Variants in SPAG9 observed in about 807,000 individuals in gnomAD.
SPAG9 encodes sperm associated antigen 9.
A neutral mutation model predicts 166.5 loss-of-function variants in SPAG9; 35 were observed. The ratio of observed to expected loss-of-function variants is 0.21; its 90% CI spans 0.16 to 0.28. The LOEUF is 0.28. Among genes scored for constraint, SPAG9 ranks in the 10% least tolerant of loss-of-function variants. SPAG9 has a pLI of 1.00. For missense variants in SPAG9, 1,235 were observed against 1,603.3 expected, an observed-to-expected ratio of 0.77 and a Z score of 3.92; for synonymous variants, 534 against 565.5, an observed-to-expected ratio of 0.94 and a Z score of 0.79.
intron 21 of SPAG9, 57 bp downstream of exon 21, chr17:50,989,620 G>A (rs1310751619): frequency 3.6e-6 from 5 of 1,371,984 alleles, no homozygotes; most frequent in Non-Finnish European, 5.2e-6. Context: ...GATTATTTTG[G>A]TTCCTTTTAT....
At chr17:51,042,039 T>C (rs2046859099) in intron 4 of SPAG9, among the ~76,000 whole-genome samples, 1 of 152,170 alleles carries the variant, frequency 6.6e-6, no homozygotes, top group Non-Finnish European at 1.5e-5. Flanking sequence ...CCAACCCATT[T>C]CTTCCCAAAT....
intron 1 of SPAG9, among the ~76,000 whole-genome samples, chr17:51,087,183 T>C (rs2048327742): frequency 6.6e-6 from 1 of 152,164 alleles, no homozygotes; most frequent in Admixed American, 6.6e-5. Flanking sequence ...TTGAGAAATA[T>C]CCCTGACAAT....
intron 2 of SPAG9, among the ~76,000 whole-genome samples, chr17:51,068,697 C>T (rs980017678): frequency 6.6e-6 from 1 of 152,200 alleles, no homozygotes; most frequent in Non-Finnish European, 1.5e-5. Context: ...TTATCCATCC[C>T]TTTATATGTT....
At chr17:51,014,592 G>A in intron 8 of SPAG9, 1 of 380,148 alleles carries the variant, frequency 2.6e-6, no homozygotes, top group East Asian at 4.4e-5. Context: ...GCAAACACAA[G>A]CAATAATGGC....
At position 50,993,899 on chromosome 17, in the gene SPAG9, A is replaced by G; in HGVS notation, c.2263T>C (p.Ser755Pro). Residue 755 changes from serine (S) to proline (P), a missense_variant, in exon 19 of 30, where the codon TCC becomes CCC. Physicochemically the swap from Ser to Pro is moderately conservative, Grantham distance 74. Around this residue, in one of 6 missense-constraint regions of SPAG9, gnomAD observed 493 missense variants for 559.4 expected, o/e 0.88. Transcript: ENST00000262013. The stretch of plus-strand genomic sequence containing the variant: ...CTGGTACAGATCCAAACTAGACTGG[A>G]TAATTCTTCTTGATTTTTTAACTCC... ...QKELKNQEEL[S>P]SLVWICTSTH... 1 of 1,614,194 alleles carries G rather than the reference A, an allele frequency of 6.2e-7. No individual in the cohort carries two copies. The highest frequency in any genetic ancestry group is 8.5e-7 in the Non-Finnish European group (1 of 1,180,020).
At chr17:50,975,750 G>GC (rs2143648274) in intron 27 of SPAG9, 1 of 773,756 alleles carries the variant, frequency 1.3e-6, no homozygotes, top group African/African-American at 1.7e-5. Flanking sequence ...TGCAGTGACT[G>GC]CAAGTGGATA....
At chr17:50,971,404 C>A (rs1973792562) in intron 28 of SPAG9, among the ~76,000 whole-genome samples, 1 of 151,366 alleles carries the variant, frequency 6.6e-6, no homozygotes, top group Non-Finnish European at 1.5e-5. Context: ...GGCCCCAAAT[C>A]CAATATGAGA....
chr17:51,010,582 A>AATATATAT (rs994068022), intron 9 of SPAG9, among the ~76,000 whole-genome samples: 2 of 130,642 alleles, frequency 1.5e-5, no homozygotes, highest in African/African-American at 2.9e-5. Flanking sequence ...AAAAAAAAAA[A>AATATATAT]ATATATATAT....
intron 2 of SPAG9, among the ~76,000 whole-genome samples, chr17:51,065,318 C>T (rs764627312): frequency 2.8e-4 from 42 of 152,088 alleles, no homozygotes; most frequent in Non-Finnish European, 5.6e-4. Context: ...TAGGCACGAG[C>T]CACCAGGCCC....
Position 50,987,182 on chromosome 17 carries a change from A to T in SPAG9, c.2869T>A (p.Leu957Met), listed in dbSNP as rs1476113543. The change falls in exon 22 of 30, where the codon TTG becomes ATG. Residue 957 changes from leucine (L) to methionine (M), a missense_variant. This residue lies in a region of SPAG9 where 493 missense variants were observed against 559.4 expected (regional missense o/e 0.88). Coordinates refer to ENST00000262013, the MANE Select transcript of SPAG9 (RefSeq NM_001130528.3). Reference sequence around the variant, plus strand: ...ATTTTCTGGGCTTCTTCTCTCACCAAGTCTTGTTCATTTGGCAGTACTGAT... The same window carrying T: ...ATTTTCTGGGCTTCTTCTCTCACCATGTCTTGTTCATTTGGCAGTACTGAT... The part of the protein sequence containing the change: ...QISVLPNEQD[L>M]VREEAQKMSS... 6.2e-7 allele frequency: 1 copy of T among 1,613,344 alleles called. No homozygotes were observed. The highest frequency in any genetic ancestry group is 8.5e-7 in the Non-Finnish European group (1 of 1,179,700).
At chr17:51,024,677 C>T (rs1272729536) in intron 6 of SPAG9, among the ~76,000 whole-genome samples, 2 of 148,944 alleles carry the variant, frequency 1.3e-5, no homozygotes, top group Non-Finnish European at 3.0e-5. Flanking sequence ...TGCACCATTG[C>T]ACTCCAGTCT....
intron 6 of SPAG9, among the ~76,000 whole-genome samples, chr17:51,030,201 A>C (rs914429976): frequency 6.6e-6 from 1 of 152,218 alleles, no homozygotes; most frequent in Non-Finnish European, 1.5e-5. Context: ...GCATTGCAGC[A>C]TAACTATTTT....
At chr17:51,112,839 G>A (rs964397666) in intron 1 of SPAG9, among the ~76,000 whole-genome samples, 5 of 151,408 alleles carry the variant, frequency 3.3e-5, no homozygotes, top group Non-Finnish European at 7.4e-5. Flanking sequence ...GCCAGGCATG[G>A]TGGCGCATGC....
chr17:50,987,268 T>G (rs748710852), intron 21 of SPAG9, 31 bp from the exon 22 acceptor site: 2 of 1,588,716 alleles, frequency 1.3e-6, no homozygotes, highest in Non-Finnish European at 1.7e-6. Flanking sequence ...GAAAGAAATC[T>G]GAGTATACTT....
chr17:50,983,649 A>T lies in SPAG9; in HGVS notation c.3089-977T>A, dbSNP rs144089653. On this transcript the variant is annotated intron_variant, in intron 24 of 29. Transcript: ENST00000262013. ...TTACTAAATGCATTTTACTTGTCTT[A>T]TTCTGTCAATATTATTTTGAATTCA... Among the ~76,000 whole-genome samples the T allele has an allele frequency of 3.8e-3, 574 of 152,276 alleles. 2 individuals are homozygous for T. The highest frequency in any genetic ancestry group is 0.01 in the Middle Eastern group (3 of 294).
chr17:51,043,387 T>C (rs141656896), intron 4 of SPAG9, among the ~76,000 whole-genome samples: 1 of 152,306 alleles, frequency 6.6e-6, no homozygotes, highest in African/African-American at 2.4e-5. Context: ...ATAGATAATA[T>C]AGTACCTATT....
chr17:51,096,209 G>A (rs1273724525), intron 1 of SPAG9, among the ~76,000 whole-genome samples: 1 of 151,240 alleles, frequency 6.6e-6, no homozygotes, highest in Non-Finnish European at 1.5e-5. Flanking sequence ...AGCCAGACAT[G>A]GAGGAGGCAT....
intron 6 of SPAG9, among the ~76,000 whole-genome samples, chr17:51,029,900 C>A (rs2046323663): frequency 6.6e-6 from 1 of 152,102 alleles, no homozygotes; most frequent in Admixed American, 6.5e-5. Flanking sequence ...GAACTATATA[C>A]TTAAAAATGG....
At chr17:51,117,437 C>T (rs1438795680) in intron 1 of SPAG9, among the ~76,000 whole-genome samples, 1 of 152,108 alleles carries the variant, frequency 6.6e-6, no homozygotes, top group East Asian at 1.9e-4. Context: ...AACAGGCCGG[C>T]ACGGTGGCTC....
Sources: gnomAD v4.1 joint callset for allele counts (sites outside exome capture counted in the v4.1 genomes callset) on GRCh38, gnomAD v4.1.1 for gene constraint, gnomAD v4.1.1 regional missense constraint, MANE v1.5 for transcripts, NCBI Gene and HGNC (gene_info 2026-07-23, HGNC 2026-07-21) for gene names.